NOL4: variants seen among roughly 807,000 people sequenced by gnomAD.
The protein encoded by NOL4 is cancer/testis antigen 125.
Under a neutral mutation model 75.9 loss-of-function variants are expected in NOL4, and 17 were observed. The observed-to-expected ratio is 0.22, with a 90% CI of 0.15 to 0.34. The LOEUF is 0.34. Ranked by LOEUF, NOL4 falls within the 10% of genes least tolerant of loss-of-function variation. The pLI, the probability that NOL4 is intolerant of heterozygous loss-of-function variation, is 1.00. For synonymous variants in NOL4, 292 were observed against 289.9 expected (o/e 1.01, Z -0.07); for missense variants, 614 against 793.5 (o/e 0.77, Z 2.72).
At chr18:34,008,295 C>A (rs1163140502) in intron 6 of NOL4, among the ~76,000 whole-genome samples, 1 of 151,942 alleles carries the variant, frequency 6.6e-6, no homozygotes, top group African/African-American at 2.4e-5. Flanking sequence ...AGCTGGCTGA[C>A]AGCAGATCAT....
intron 1 of NOL4, chr18:34,222,168 C>A: frequency 6.7e-7 from 1 of 1,495,560 alleles, no homozygotes. Flanking sequence ...GCATTGGGCT[C>A]TCAATGCCAG....
rs993408426 is a variant in NOL4, at chr18:34,048,401, A to T, written c.773-28800T>A. 4 of 969,896 alleles carry T rather than the reference A, an allele frequency of 4.1e-6. No homozygotes were observed. In the African/African-American group the frequency reaches 7.0e-5, roughly 17 times the overall value. The allele number at this position is 969,896 out of a possible 1,614,324, so 60.1% of individuals were successfully genotyped here. On this transcript the variant is annotated intron_variant, in intron 5 of 10. Transcript: ENST00000261592. Reference sequence around the variant, plus strand: ...CTTCAACAAGACTTAGACAAACCTCATTCATCAATATTCTACTCTGGAGGA... The same window carrying T: ...CTTCAACAAGACTTAGACAAACCTCTTTCATCAATATTCTACTCTGGAGGA...
At chr18:34,210,494 C>A (rs770325870) in intron 1 of NOL4, among the ~76,000 whole-genome samples, 8 of 152,124 alleles carry the variant, frequency 5.3e-5, no homozygotes, top group Non-Finnish European at 1.0e-4. Flanking sequence ...AAAAACATAA[C>A]CAATGCTATG....
At chr18:34,155,207 T>G (rs2030155376) in intron 1 of NOL4, among the ~76,000 whole-genome samples, 1 of 151,774 alleles carries the variant, frequency 6.6e-6, no homozygotes, top group Non-Finnish European at 1.5e-5. Context: ...AATATGAGAA[T>G]CTAATTTAGA....
chr18:33,903,903 C>T (rs2065884527), intron 9 of NOL4, among the ~76,000 whole-genome samples: 1 of 152,074 alleles, frequency 6.6e-6, no homozygotes, highest in Non-Finnish European at 1.5e-5. Context: ...CCCTCTATGC[C>T]CAGGGACTAT....
intron 5 of NOL4, among the ~76,000 whole-genome samples, chr18:34,020,355 T>C (rs536971260): frequency 5.1e-4 from 77 of 152,272 alleles, no homozygotes; most frequent in African/African-American, 1.7e-3. Context: ...AGTGAGAATA[T>C]CTAGATTTGG....
intron 9 of NOL4, among the ~76,000 whole-genome samples, chr18:33,935,678 C>T (rs1283290325): frequency 6.6e-6 from 1 of 152,092 alleles, no homozygotes; most frequent in African/African-American, 2.4e-5. Flanking sequence ...TGCTGACAGA[C>T]TTGCTCACAA....
At chr18:33,967,329 A>G (rs531839038) in intron 6 of NOL4, among the ~76,000 whole-genome samples, 30 of 152,266 alleles carry the variant, frequency 2.0e-4, no homozygotes, top group African/African-American at 7.2e-4. Flanking sequence ...AATTAACTCA[A>G]AGTGGATTAA....
intron 9 of NOL4, among the ~76,000 whole-genome samples, chr18:33,902,999 T>G (rs1311302127): frequency 1.3e-5 from 2 of 152,184 alleles, no homozygotes; most frequent in Admixed American, 1.3e-4. Context: ...ACATCTTTGA[T>G]AAACATCCTC....
At chr18:33,927,568 G>A (rs1424633935) in intron 9 of NOL4, among the ~76,000 whole-genome samples, 9 of 152,084 alleles carry the variant, frequency 5.9e-5, no homozygotes, top group African/African-American at 2.2e-4. Flanking sequence ...AAAGGAAGAC[G>A]ACACTGATAA....
chr18:34,052,979 G>A (rs900909325), intron 5 of NOL4, among the ~76,000 whole-genome samples: 7 of 152,036 alleles, frequency 4.6e-5, no homozygotes, highest in Non-Finnish European at 1.0e-4. Context: ...GAGAGCCCAA[G>A]ATCCCTGAGG....
chr18:33,996,762 A>T (rs1188151899), intron 6 of NOL4, among the ~76,000 whole-genome samples: 1 of 151,910 alleles, frequency 6.6e-6, no homozygotes, highest in Non-Finnish European at 1.5e-5. Flanking sequence ...ACGGCTGCAT[A>T]GTATTCCATG....
chr18:34,059,591 A>C (rs2145107141), intron 5 of NOL4, among the ~76,000 whole-genome samples: 1 of 152,296 alleles, frequency 6.6e-6, no homozygotes, highest in South Asian at 2.1e-4. Context: ...TAGCTTCCAA[A>C]AATGGCTTCA....
chr18:34,046,215 C>T (rs2076357485), intron 5 of NOL4, among the ~76,000 whole-genome samples: 1 of 152,028 alleles, frequency 6.6e-6, no homozygotes, highest in Non-Finnish European at 1.5e-5. Context: ...CCTGGACTTT[C>T]CAAATGCCAT....
intron 6 of NOL4, among the ~76,000 whole-genome samples, chr18:33,983,853 AT>A (rs2072202194): frequency 1.3e-5 from 2 of 152,062 alleles, no homozygotes; most frequent in Non-Finnish European, 2.9e-5. Context: ...GACTTGTTAT[AT>A]GAGTCAAAAA....
chr18:34,022,490 T>C (rs1262462161), intron 5 of NOL4, among the ~76,000 whole-genome samples: 1 of 152,102 alleles, frequency 6.6e-6, no homozygotes, highest in Non-Finnish European at 1.5e-5. Context: ...GGATGACTTA[T>C]ATAAGTAATT....
chr18:33,971,388 G>C (rs1483726970), intron 6 of NOL4, among the ~76,000 whole-genome samples: 2 of 152,146 alleles, frequency 1.3e-5, no homozygotes, highest in Non-Finnish European at 2.9e-5. Context: ...CTGTGTATGA[G>C]AATTTTGCAG....
At chr18:34,074,273 AT>A (rs2077650588) in intron 5 of NOL4, among the ~76,000 whole-genome samples, 1 of 151,694 alleles carries the variant, frequency 6.6e-6, no homozygotes, top group South Asian at 2.1e-4. Context: ...GCATTATTTC[AT>A]TAAAACTTAA....
chr18:33,970,029 G>A (rs1053628331), intron 6 of NOL4, among the ~76,000 whole-genome samples: 18 of 152,096 alleles, frequency 1.2e-4, no homozygotes, highest in African/African-American at 4.1e-4. Context: ...ACAAGTTACT[G>A]GACCCATTCA....
Sources: allele counts gnomAD v4.1 joint callset (sites outside exome capture counted in the v4.1 genomes callset), GRCh38; gene constraint gnomAD v4.1.1; transcripts MANE v1.5; gene names NCBI Gene and HGNC (gene_info 2026-07-23, HGNC 2026-07-21).